Variants in LRRC3B observed in about 807,000 individuals in gnomAD.
The protein encoded by LRRC3B is leucine rich repeat containing 3B, also known as leucine-rich repeat-containing protein 3B.
A neutral mutation model predicts 12.8 loss-of-function variants in LRRC3B; 2 were observed. The ratio of observed to expected loss-of-function variants is 0.16; its 90% CI spans 0.06 to 0.49. The LOEUF (loss-of-function observed/expected upper bound fraction) is 0.49. Among genes scored for constraint, LRRC3B ranks in the 20% least tolerant of loss-of-function variants. The pLI, the probability that LRRC3B is intolerant of heterozygous loss-of-function variation, is 0.96. For synonymous variants in LRRC3B, 132 were observed against 122.0 expected (o/e 1.08, Z -0.54); for missense variants, 189 against 319.4 (o/e 0.59, Z 3.11).
exon 2 of LRRC3B, chr3:26,709,748 C>T (rs1415192720): frequency 6.2e-7 from 1 of 1,614,134 alleles, no homozygotes; most frequent in Non-Finnish European, 8.5e-7. Flanking sequence ...TCTTATGATA[C>T]TGTGCTTTCA....
chr3:26,674,486 G>C (rs1276829333), intron 1 of LRRC3B, among the ~76,000 whole-genome samples: 7 of 152,106 alleles, frequency 4.6e-5, no homozygotes, highest in Admixed American at 4.6e-4. Context: ...AAAGAAGGTT[G>C]CTTTTTAAAA....
At chr3:26,684,908 G>T (rs80281317) in intron 1 of LRRC3B, among the ~76,000 whole-genome samples, 3,155 of 152,186 alleles carry the variant, frequency 0.021, 48 homozygotes, top group Non-Finnish European at 0.035. Context: ...ACATACAATG[G>T]AGTGCTTGCA....
chr3:26,671,350 GTATATATATATATA>G (rs1161960755), intron 1 of LRRC3B, among the ~76,000 whole-genome samples: 1 of 56,748 alleles, frequency 1.8e-5, no homozygotes. Context: ...ATATATGTGT[GTATATATATATATA>G]TATATATATA....
intron 1 of LRRC3B, among the ~76,000 whole-genome samples, chr3:26,704,820 C>T (rs1005249147): frequency 6.6e-6 from 1 of 152,026 alleles, no homozygotes; most frequent in Non-Finnish European, 1.5e-5. Flanking sequence ...AACTTTTTGC[C>T]ATAGAGAAGT....
chr3:26,703,433 A>C (rs1700507943), intron 1 of LRRC3B, among the ~76,000 whole-genome samples: 1 of 152,128 alleles, frequency 6.6e-6, no homozygotes, highest in Non-Finnish European at 1.5e-5. Flanking sequence ...AGAGACTCAA[A>C]GGCTGGCAGA....
chr3:26,681,410 G>C (rs1398063648), intron 1 of LRRC3B, among the ~76,000 whole-genome samples: 1 of 152,186 alleles, frequency 6.6e-6, no homozygotes, highest in Non-Finnish European at 1.5e-5. Flanking sequence ...GGAAAGAACA[G>C]ACATAAACCT....
intron 1 of LRRC3B, among the ~76,000 whole-genome samples, chr3:26,691,121 A>ATG (rs2125449383): frequency 7.1e-6 from 1 of 141,220 alleles, no homozygotes; most frequent in South Asian, 2.2e-4. Context: ...ATATATATAT[A>ATG]TATATATATA....
At chr3:26,660,245 C>T (rs1699467170) in intron 1 of LRRC3B, among the ~76,000 whole-genome samples, 1 of 152,154 alleles carries the variant, frequency 6.6e-6, no homozygotes, top group Non-Finnish European at 1.5e-5. Flanking sequence ...CCCTTAATTA[C>T]AGATTCTCTT....
chr3:26,680,854 A>T (rs2125441228), intron 1 of LRRC3B, among the ~76,000 whole-genome samples: 1 of 152,356 alleles, frequency 6.6e-6, no homozygotes, highest in East Asian at 1.9e-4. Context: ...CAGATTTCCA[A>T]ATATTTCAGA....
intron 1 of LRRC3B, among the ~76,000 whole-genome samples, chr3:26,672,947 A>C (rs11710809): frequency 0.33 from 50,227 of 152,046 alleles, 9,519 homozygotes; most frequent in Middle Eastern, 0.46. Flanking sequence ...TTCTCCTTCA[A>C]AATGTGAAAT....
intron 1 of LRRC3B, among the ~76,000 whole-genome samples, chr3:26,707,335 C>G (rs1392457981): frequency 6.6e-6 from 1 of 152,006 alleles, no homozygotes; most frequent in East Asian, 1.9e-4. Flanking sequence ...CACTGCTCTC[C>G]AGCCTGGGCA....
At chr3:26,683,470 G>T (rs991042289) in intron 1 of LRRC3B, among the ~76,000 whole-genome samples, 1 of 152,168 alleles carries the variant, frequency 6.6e-6, no homozygotes, top group Non-Finnish European at 1.5e-5. Flanking sequence ...AAACAAGGGG[G>T]TTGGAAAAGA....
chr3:26,681,611 G>GA (rs1273649080), intron 1 of LRRC3B, among the ~76,000 whole-genome samples: 1 of 152,158 alleles, frequency 6.6e-6, no homozygotes, highest in Non-Finnish European at 1.5e-5. Context: ...CTCTGGAGGT[G>GA]AAATAGGATA....
intron 1 of LRRC3B, among the ~76,000 whole-genome samples, chr3:26,657,870 G>T (rs1699408478): frequency 6.6e-6 from 1 of 151,996 alleles, no homozygotes; most frequent in African/African-American, 2.4e-5. Context: ...TATTTTTCTG[G>T]GTTGTTGCAG....
intron 1 of LRRC3B, among the ~76,000 whole-genome samples, chr3:26,666,642 G>C (rs1367388601): frequency 6.6e-6 from 1 of 152,088 alleles, no homozygotes; most frequent in Non-Finnish European, 1.5e-5. Context: ...AGTTTCCCCT[G>C]TTGTTCACAT....
chr3:26,623,482 A>G (rs1307759281), intron 1 of LRRC3B, among the ~76,000 whole-genome samples: 1 of 151,984 alleles, frequency 6.6e-6, no homozygotes, highest in Non-Finnish European at 1.5e-5. Context: ...AACTTTTGTG[A>G]CCCCTTCCCT....
chr3:26,629,968 T>C (rs1267251932), intron 1 of LRRC3B, among the ~76,000 whole-genome samples: 1 of 63,514 alleles, frequency 1.6e-5, no homozygotes, highest in Non-Finnish European at 2.8e-5. Flanking sequence ...AAGAGAAGCA[T>C]GGCAAAAAAA....
intron 1 of LRRC3B, among the ~76,000 whole-genome samples, chr3:26,651,421 A>G (rs1699261972): frequency 6.6e-6 from 1 of 152,180 alleles, no homozygotes; most frequent in African/African-American, 2.4e-5. Context: ...ACTATTATAA[A>G]TGAGCACACG....
intron 1 of LRRC3B, among the ~76,000 whole-genome samples, 197 bp from the exon 2 acceptor site, chr3:26,709,316 A>T (rs908092260): frequency 6.6e-6 from 1 of 152,200 alleles, no homozygotes; most frequent in Non-Finnish European, 1.5e-5. Flanking sequence ...TCATATGTTC[A>T]CAGTTCTCTC....
Sources: gnomAD v4.1 joint callset for allele counts (sites outside exome capture counted in the v4.1 genomes callset) on GRCh38, gnomAD v4.1.1 for gene constraint, MANE v1.5 for transcripts, NCBI Gene and HGNC (gene_info 2026-07-23, HGNC 2026-07-21) for gene names.